Variants in SPOCK1 observed in about 807,000 individuals in gnomAD.
SPOCK1 encodes SPARC (osteonectin), cwcv and kazal like domains proteoglycan 1.
A neutral mutation model predicts 55.3 loss-of-function variants in SPOCK1; 23 were observed. The observed-to-expected ratio is 0.42, with a 90% CI of 0.30 to 0.59. SPOCK1 has a LOEUF of 0.59. SPOCK1 is among the 20% of genes least tolerant of loss of function. The probability of loss-of-function intolerance (pLI) is 0.22; values close to 1 mark genes in which losing one functional copy is unlikely to be tolerated. For synonymous variants in SPOCK1, 226 were observed against 221.0 expected, an observed-to-expected ratio of 1.02 and a Z score of -0.20; for missense variants, 499 against 552.5, an observed-to-expected ratio of 0.90 and a Z score of 0.97.
chr5:137,348,091 G>A (rs1471600950), intron 2 of SPOCK1, among the ~76,000 whole-genome samples: 1 of 152,314 alleles, frequency 6.6e-6, no homozygotes, highest in African/African-American at 2.4e-5. Context: ...CCCAGAGACA[G>A]CAGGGCCAAG....
intron 6 of SPOCK1, among the ~76,000 whole-genome samples, chr5:137,003,405 A>G (rs1434265368): frequency 6.6e-6 from 1 of 152,202 alleles, no homozygotes; most frequent in Non-Finnish European, 1.5e-5. Flanking sequence ...TCTCATAAAT[A>G]AATAAATCAT....
intron 3 of SPOCK1, among the ~76,000 whole-genome samples, chr5:137,206,053 A>G (rs1187206363): frequency 2.6e-5 from 4 of 152,226 alleles, no homozygotes; most frequent in Non-Finnish European, 5.9e-5. Flanking sequence ...TAACCCTCAC[A>G]CTATCCTGCA....
Position 137,237,837 on chromosome 5 carries a change from G to A in SPOCK1, c.232+29173C>T, listed in dbSNP as rs531771993. ...GCTGCAGCAGATATGGTTGGAGTGTGGGACTCTAACAAGGTTCCAGGGGTT... is the reference window on the plus strand; with the variant it reads ...GCTGCAGCAGATATGGTTGGAGTGTAGGACTCTAACAAGGTTCCAGGGGTT... On this transcript the variant is annotated intron_variant, in intron 3 of 10. Coordinates refer to ENST00000394945, the MANE Select transcript of SPOCK1 (RefSeq NM_004598.4). Among the ~76,000 whole-genome samples the A allele has an allele frequency of 1.8e-4, 27 of 152,258 alleles. 1 individual carries two copies. Among genetic ancestry groups the A allele is most frequent in the African/African-American group, 5.5e-4 (23 of 41,548 alleles).
At chr5:137,025,749 C>G (rs775371760) in intron 6 of SPOCK1, among the ~76,000 whole-genome samples, 2 of 152,072 alleles carry the variant, frequency 1.3e-5, no homozygotes, top group African/African-American at 4.8e-5. Flanking sequence ...ACAAAGGGTA[C>G]CATGAAATAA....
intron 2 of SPOCK1, among the ~76,000 whole-genome samples, chr5:137,451,231 T>C (rs574123993): frequency 1.6e-4 from 24 of 152,254 alleles, no homozygotes; most frequent in Non-Finnish European, 2.6e-4. Flanking sequence ...TTATACTCCA[T>C]GCTCCCGGCA....
intron 3 of SPOCK1, among the ~76,000 whole-genome samples, chr5:137,231,867 T>C (rs977651816): frequency 6.6e-6 from 1 of 152,248 alleles, no homozygotes; most frequent in South Asian, 2.1e-4. Context: ...CTTGCCAGCA[T>C]TGGGTGTTGC....
chr5:136,979,598 G>T, intron 9 of SPOCK1, 129 bp from the exon 10 acceptor site: 2 of 1,234,708 alleles, frequency 1.6e-6, no homozygotes, highest in Non-Finnish European at 2.2e-6. Context: ...AGAGGATGGG[G>T]ATGGTTGGCT....
chr5:137,123,740 C>T (rs1229274132), intron 4 of SPOCK1, among the ~76,000 whole-genome samples: 1 of 152,082 alleles, frequency 6.6e-6, no homozygotes, highest in Non-Finnish European at 1.5e-5. Context: ...TGCAAGAGTT[C>T]AAGCAGAAAT....
intron 3 of SPOCK1, among the ~76,000 whole-genome samples, chr5:137,150,339 T>C (rs1388201547): frequency 6.6e-6 from 1 of 152,138 alleles, no homozygotes; most frequent in East Asian, 1.9e-4. Context: ...CCACAGATAG[T>C]AAGGGCTGGG....
At chr5:137,397,290 G>A (rs761948010) in intron 2 of SPOCK1, among the ~76,000 whole-genome samples, 4 of 152,222 alleles carry the variant, frequency 2.6e-5, no homozygotes, top group African/African-American at 4.8e-5. Context: ...ACTCCTCCTC[G>A]ATGTTTGAGG....
In SPOCK1 at chr5:137,307,940, A is replaced by G. The variant is rs752742057; in HGVS notation, c.187-40885T>C. On this transcript the variant is annotated intron_variant, in intron 2 of 10. Transcript: ENST00000394945. The stretch of plus-strand genomic sequence containing the variant: ...TGCACTAAACCAGGTATGCATTTCC[A>G]TAATGACAAAACAAGGTAAATGTCC... 3.3e-5 allele frequency among the ~76,000 whole-genome samples: 5 copies of G among 152,256 alleles called. No individual in the cohort carries two copies. In the East Asian group the frequency reaches 5.8e-4, roughly 18 times the overall value.
At chr5:137,457,420 C>T (rs1753388227) in intron 2 of SPOCK1, among the ~76,000 whole-genome samples, 1 of 152,162 alleles carries the variant, frequency 6.6e-6, no homozygotes, top group Admixed American at 6.6e-5. Flanking sequence ...GAGCAGCTTT[C>T]AGACTCAACG....
chr5:137,032,612 AC>A (rs1352402585), intron 6 of SPOCK1, among the ~76,000 whole-genome samples: 1 of 152,104 alleles, frequency 6.6e-6, no homozygotes, highest in Non-Finnish European at 1.5e-5. Flanking sequence ...TCACGAGAAA[AC>A]CAAGGGTGAG....
At chr5:137,186,383 T>C (rs1755070030) in intron 3 of SPOCK1, among the ~76,000 whole-genome samples, 1 of 152,288 alleles carries the variant, frequency 6.6e-6, no homozygotes, top group South Asian at 2.1e-4. Context: ...GACAGTGACA[T>C]AAGGGCTAGG....
intron 4 of SPOCK1, among the ~76,000 whole-genome samples, chr5:137,122,805 G>A (rs531282573): frequency 3.3e-5 from 5 of 152,242 alleles, no homozygotes; most frequent in South Asian, 2.1e-4. Flanking sequence ...CATCAGCTTC[G>A]CTGTTCTAAT....
chr5:137,213,083 C>A (rs1438094608), intron 3 of SPOCK1, among the ~76,000 whole-genome samples: 1 of 152,020 alleles, frequency 6.6e-6, no homozygotes, highest in East Asian at 1.9e-4. Context: ...CAGCTGGAGA[C>A]CATAAAAGGT....
intron 2 of SPOCK1, among the ~76,000 whole-genome samples, chr5:137,289,533 G>A (rs1262165567): frequency 1.3e-5 from 2 of 152,152 alleles, no homozygotes; most frequent in African/African-American, 4.8e-5. Flanking sequence ...CAATTCAGGG[G>A]AGAAAGACAA....
At chr5:137,202,665 C>A (rs573298282) in intron 3 of SPOCK1, among the ~76,000 whole-genome samples, 7 of 152,182 alleles carry the variant, frequency 4.6e-5, no homozygotes, top group Non-Finnish European at 1.0e-4. Flanking sequence ...TAGGTGTTCA[C>A]AGGCTGAAAC....
chr5:136,992,652 T>C lies in SPOCK1; in HGVS notation c.590-52A>G, dbSNP rs773319627. The stretch of plus-strand genomic sequence containing the variant: ...ATGGGGCTGGGGGCTTTCTGCCTTC[T>C]GTGTGCAGGGCTACTGGCAAAGCCA... On this transcript the variant is annotated intron_variant, in intron 6 of 10. Transcript: ENST00000394945. 65 of 1,450,074 alleles carry C rather than the reference T, an allele frequency of 4.5e-5. 1 individual carries two copies. The Admixed American group carries it at 1.1e-3, about 26-fold the overall frequency. The allele number at this position is 1,450,074 out of a possible 1,614,324, so 89.8% of individuals were successfully genotyped here.
Sources: allele counts gnomAD v4.1 joint callset (sites outside exome capture counted in the v4.1 genomes callset), GRCh38; gene constraint gnomAD v4.1.1; transcripts MANE v1.5; gene names NCBI Gene and HGNC (gene_info 2026-07-23, HGNC 2026-07-21).